Variants in PRDX1 observed in about 807,000 individuals in gnomAD.
PRDX1 encodes the protein peroxiredoxin-1.
PRDX1 carries 19 observed loss-of-function variants against 20.7 expected under a neutral mutation model. The observed-to-expected ratio is 0.92, with a 90% CI of 0.64 to 1.35. The LOEUF (loss-of-function observed/expected upper bound fraction) is 1.35, where lower values mean the gene tolerates loss of function less well. Ranked by LOEUF, PRDX1 falls within the 40% of genes most tolerant of loss-of-function variation. The pLI, the probability that PRDX1 is intolerant of heterozygous loss-of-function variation, is 0.00. For missense variants in PRDX1, 226 were observed against 240.0 expected (o/e 0.94, Z 0.38); for synonymous variants, 89 against 83.9 (o/e 1.06, Z -0.33).
chr1:45,514,728 G>C (rs893667984), intron 4 of PRDX1, 91 bp from the exon 5 acceptor site: 5 of 1,579,010 alleles, frequency 3.2e-6, no homozygotes, highest in Non-Finnish European at 4.3e-6. Context: ...AAATGGACTG[G>C]TCTCCACACT....
intron 1 of PRDX1, chr1:45,521,602 C>G (rs915936413): frequency 6.6e-6 from 1 of 152,240 alleles, no homozygotes; most frequent in East Asian, 1.9e-4. Context: ...CTCGAGTCCA[C>G]GCTTGCCTTG....
At chr1:45,519,787 G>A (rs1473717070) in intron 1 of PRDX1, among the ~76,000 whole-genome samples, 1 of 152,056 alleles carries the variant, frequency 6.6e-6, no homozygotes, top group Admixed American at 6.6e-5. Context: ...TATTAGAGAC[G>A]GGATTTCTCC....
intron 1 of PRDX1, among the ~76,000 whole-genome samples, chr1:45,521,120 C>T (rs1012483292): frequency 6.6e-6 from 1 of 152,186 alleles, no homozygotes; most frequent in East Asian, 1.9e-4. Context: ...ATGGCCTTCT[C>T]GTCCAATCCT....
At chr1:45,518,814 C>T in intron 2 of PRDX1, 124 bp downstream of exon 2, 1 of 875,740 alleles carries the variant, frequency 1.1e-6, no homozygotes, top group Non-Finnish European at 1.8e-6. Context: ...AAGGTAACAA[C>T]CTAAATACTT....
chr1:45,519,837 A>T (rs1244801369), intron 1 of PRDX1, among the ~76,000 whole-genome samples: 1 of 152,126 alleles, frequency 6.6e-6, no homozygotes, highest in Non-Finnish European at 1.5e-5. Flanking sequence ...ACCTCAGATG[A>T]TTGCCCAACT....
chr1:45,514,568 G>A lies in PRDX1; in HGVS notation c.453C>T (p.Arg151=). 2 of 1,613,872 alleles carry A rather than the reference G, an allele frequency of 1.2e-6. No homozygotes were observed. Among genetic ancestry groups the A allele is most frequent in the Non-Finnish European group, 1.7e-6 (2 of 1,179,766 alleles). Residue 151 remains arginine, a synonymous_variant, in exon 5 of 6, where the codon CGC becomes CGT. Transcript: ENST00000319248. ...QITVNDLPVG[R]SVDETLRLVQ... The stretch of plus-strand genomic sequence containing the variant: ...CTAGTCTCAAAGTCTCATCCACAGA[G>A]CGGCCAACAGGGAGGTCATTTACAG...
chr1:45,519,551 G>C (rs1301904374), intron 1 of PRDX1, among the ~76,000 whole-genome samples: 1 of 152,172 alleles, frequency 6.6e-6, no homozygotes, highest in African/African-American at 2.4e-5. Flanking sequence ...CTTTGTCCAA[G>C]ACAGCACACA....
At position 45,513,326 on chromosome 1, in the gene PRDX1, T is replaced by C. The variant is rs961109357; in HGVS notation, c.514+1181A>G. The C allele has an allele frequency of 4.6e-5, 7 of 152,338 alleles. No homozygotes were observed. In the East Asian group the frequency reaches 1.3e-3, roughly 29 times the overall value. The allele number at this position is 152,338 out of a possible 1,614,324, so 9.4% of individuals were successfully genotyped here. A position where few individuals can be genotyped will look rare whatever the true frequency, so the allele number is the denominator to read the frequency against. On this transcript the variant is annotated intron_variant, in intron 5 of 5. Coordinates refer to ENST00000319248, the MANE Select transcript of PRDX1 (RefSeq NM_181697.3). ...ATCTTTGGGAGTGACTGATTCTAAA[T>C]GAGCAGGACAGAAGAGAGGAGTATG... is the stretch of plus-strand genomic sequence containing the variant.
chr1:45,520,119 C>T (rs1281447900), intron 1 of PRDX1, among the ~76,000 whole-genome samples: 1 of 150,426 alleles, frequency 6.6e-6, no homozygotes. Flanking sequence ...GCAGGAGAAT[C>T]ACTTGAACCC....
chr1:45,521,803 G>T (rs968657919), intron 1 of PRDX1, 26 bp downstream of exon 1: 13 of 152,700 alleles, frequency 8.5e-5, no homozygotes, highest in Non-Finnish European at 1.8e-4. Context: ...GCCTCACTCC[G>T]CAGGGGCCGC....
In PRDX1 at chr1:45,518,938, C is replaced by T. The variant is rs1299185674; in HGVS notation, c.106G>A (p.Gly36Arg). 2 of 1,588,830 alleles carry T rather than the reference C, an allele frequency of 1.3e-6. No individual in the cohort carries two copies. Among genetic ancestry groups the T allele is most frequent in the East Asian group, 2.3e-5 (1 of 44,116 alleles). Reference sequence around the variant, plus strand: ...ATGAGCCCAGTGTTAATTCTCTCACCTTTGTAGTCAGACAGGCTGATATCT... The same window carrying T: ...ATGAGCCCAGTGTTAATTCTCTCACTTTTGTAGTCAGACAGGCTGATATCT... The part of the protein sequence containing the change: ...FKDISLSDYK[G>R]KYVVFFFYPL... Residue 36 changes from glycine to arginine, a missense_variant and splice_region_variant, in exon 2 of 6, where the codon GGA becomes AGA. Gly to Arg is a moderately radical substitution (Grantham distance 125, BLOSUM62 -2). Coordinates refer to ENST00000319248, the MANE Select transcript of PRDX1 (RefSeq NM_181697.3).
chr1:45,518,769 C>T (rs570154302), intron 2 of PRDX1, among the ~76,000 whole-genome samples, 169 bp downstream of exon 2: 2 of 152,312 alleles, frequency 1.3e-5, no homozygotes, highest in Middle Eastern at 3.4e-3. Flanking sequence ...AGGATATATA[C>T]CCTGTAATCA....
At chr1:45,516,100 T>C (rs757483506) in intron 2 of PRDX1, among the ~76,000 whole-genome samples, 1 of 152,248 alleles carries the variant, frequency 6.6e-6, no homozygotes, top group Non-Finnish European at 1.5e-5. Context: ...AAAATTAACA[T>C]AAACACCAAG....
At chr1:45,515,375 A>G (rs899790992) in intron 3 of PRDX1, among the ~76,000 whole-genome samples, 3 of 152,208 alleles carry the variant, frequency 2.0e-5, no homozygotes, top group South Asian at 2.1e-4. Context: ...TGAGGTGGGC[A>G]GATCACGAGG....
chr1:45,514,792 AG>A, intron 4 of PRDX1, 80 bp downstream of exon 4: 1 of 1,583,724 alleles, frequency 6.3e-7, no homozygotes, highest in Non-Finnish European at 8.6e-7. Context: ...TGAAATGACA[AG>A]GAGTCTCTAC....
At chr1:45,515,119 A>T in intron 3 of PRDX1, 124 bp from the exon 4 acceptor site, 1 of 1,377,740 alleles carries the variant, frequency 7.3e-7, no homozygotes, top group Non-Finnish European at 9.9e-7. Context: ...TCCGTTTTCC[A>T]GCAATAAAGT....
At chr1:45,521,746 C>G (rs533279332) in intron 1 of PRDX1, 83 bp downstream of exon 1, 1 of 152,868 alleles carries the variant, frequency 6.5e-6, no homozygotes, top group African/African-American at 2.4e-5. Flanking sequence ...CGCGGGCGGG[C>G]CCCGGACAGG....
rs1168738391 is a variant in PRDX1 at position 45,520,224 on chromosome 1, A to AAAAAAAAAAAAG, written c.-11-1171_-11-1170insCTTTTTTTTTTT. Among the ~76,000 whole-genome samples, 8 of 147,896 alleles carry AAAAAAAAAAAAG rather than the reference A, an allele frequency of 5.4e-5. No individual in the cohort carries two copies. In the East Asian group the frequency reaches 8.0e-4, roughly 15 times the overall value. On this transcript the variant is annotated intron_variant, in intron 1 of 5. Transcript: ENST00000319248. Reference sequence around the variant, plus strand: ...TGTCTCCAAAAAAAAAAAAAAAAAAAAGAGGCAAGACCAAGATATTGATTG... The same window carrying AAAAAAAAAAAAG: ...TGTCTCCAAAAAAAAAAAAAAAAAAAAAAAAAAAAAAGAGAGGCAAGACCAAGATATTGATTG...
At chr1:45,519,538 T>C (rs1643889499) in intron 1 of PRDX1, among the ~76,000 whole-genome samples, 1 of 152,224 alleles carries the variant, frequency 6.6e-6, no homozygotes, top group African/African-American at 2.4e-5. Flanking sequence ...TTTCTCCAGG[T>C]AGCTTTGTCC....
Sources: gnomAD v4.1 joint callset for allele counts (sites outside exome capture counted in the v4.1 genomes callset) on GRCh38, gnomAD v4.1.1 for gene constraint, MANE v1.5 for transcripts, NCBI Gene and HGNC (gene_info 2026-07-23, HGNC 2026-07-21) for gene names.